Variants in ULK4 observed in about 807,000 individuals in gnomAD.
The protein encoded by ULK4 is inactive serine/threonine-protein kinase ULK4.
Under a neutral mutation model 160.6 loss-of-function variants are expected in ULK4, and 133 were observed. The observed-to-expected ratio is 0.83, with a 90% CI of 0.72 to 0.96. ULK4 has a LOEUF of 0.96. Ranked by LOEUF, ULK4 falls within the 40% of genes least tolerant of loss-of-function variation. The pLI is 0.00. For synonymous variants in ULK4, 534 were observed against 539.8 expected (o/e 0.99, Z 0.15); for missense variants, 1,580 against 1,499.5 (o/e 1.05, Z -0.89).
intron 30 of ULK4, 80 bp from the exon 31 acceptor site, chr3:41,615,797 GC>G: frequency 7.8e-7 from 1 of 1,283,542 alleles, no homozygotes; most frequent in Non-Finnish European, 1.1e-6. Context: ...AAGCACCTCA[GC>G]CCCCATGTTT....
intron 30 of ULK4, among the ~76,000 whole-genome samples, chr3:41,632,351 T>C (rs1266375163): frequency 6.6e-6 from 1 of 152,250 alleles, no homozygotes; most frequent in African/African-American, 2.4e-5. Context: ...TTAATGAACA[T>C]GCTTACTTCC....
At chr3:41,771,858 T>A (rs2039392665) in intron 21 of ULK4, among the ~76,000 whole-genome samples, 1 of 152,214 alleles carries the variant, frequency 6.6e-6, no homozygotes, top group African/African-American at 2.4e-5. Flanking sequence ...TTTTTTAAAA[T>A]CCATGTGACT....
intron 32 of ULK4, among the ~76,000 whole-genome samples, chr3:41,559,955 TA>T (rs2087501463): frequency 6.6e-6 from 1 of 152,252 alleles, no homozygotes; most frequent in Non-Finnish European, 1.5e-5. Context: ...GCCTATGTCC[TA>T]AATGGTATTG....
intron 35 of ULK4, among the ~76,000 whole-genome samples, chr3:41,312,007 T>C (rs1575422052): frequency 6.6e-6 from 1 of 151,332 alleles, no homozygotes; most frequent in East Asian, 1.9e-4. Context: ...GGGTTCTTAC[T>C]CTGTTGCCCA....
chr3:41,720,894 T>G (rs553903992), intron 22 of ULK4, among the ~76,000 whole-genome samples: 1 of 152,308 alleles, frequency 6.6e-6, no homozygotes, highest in African/African-American at 2.4e-5. Flanking sequence ...TAGATATACC[T>G]GTACACATAT....
intron 5 of ULK4, 149 bp downstream of exon 5, chr3:41,931,695 T>TC: frequency 5.2e-6 from 5 of 967,914 alleles, no homozygotes; most frequent in Non-Finnish European, 7.8e-6. Context: ...ACAAAGCCAT[T>TC]CCTATGCCCA....
At chr3:41,510,147 G>T (rs1391367748) in intron 32 of ULK4, among the ~76,000 whole-genome samples, 1 of 152,118 alleles carries the variant, frequency 6.6e-6, no homozygotes, top group Admixed American at 6.6e-5. Flanking sequence ...GATATTCCAT[G>T]CACATGGACA....
chr3:41,863,864 G>C (rs2042560029), intron 17 of ULK4, among the ~76,000 whole-genome samples: 1 of 151,700 alleles, frequency 6.6e-6, no homozygotes, highest in Non-Finnish European at 1.5e-5. Flanking sequence ...CTCTCAAGCA[G>C]AAGGAAGGGG....
At chr3:41,357,803 AC>A (rs2125769119) in intron 35 of ULK4, among the ~76,000 whole-genome samples, 1 of 152,286 alleles carries the variant, frequency 6.6e-6, no homozygotes, top group African/African-American at 2.4e-5. Context: ...ACTTAATTCA[AC>A]CTACTGTGGC....
chr3:41,425,400 C>T (rs2082755593), intron 34 of ULK4, among the ~76,000 whole-genome samples: 1 of 152,070 alleles, frequency 6.6e-6, no homozygotes, highest in Admixed American at 6.6e-5. Flanking sequence ...AGAGAACTTC[C>T]CCAACCTATC....
intron 34 of ULK4, among the ~76,000 whole-genome samples, chr3:41,445,173 G>C (rs2083268426): frequency 6.6e-6 from 1 of 152,174 alleles, no homozygotes; most frequent in Non-Finnish European, 1.5e-5. Flanking sequence ...CAAGGGATGT[G>C]AAGGACCTCT....
intron 32 of ULK4, among the ~76,000 whole-genome samples, chr3:41,522,092 A>T (rs1357176109): frequency 6.6e-6 from 1 of 151,648 alleles, no homozygotes; most frequent in East Asian, 1.9e-4. Flanking sequence ...ACATGTTTTA[A>T]ATCTAATATA....
chr3:41,706,894 T>TAG lies in ULK4; in HGVS notation c.2635-1590_2635-1589insCT, dbSNP rs1317838709. ...GTGTGTGTGTGTGTGTGTGTGTATA[T>TAG]ATATATAGAGAGAGAGAGAGAATAG... On this transcript the variant is annotated intron_variant, in intron 25 of 36. Coordinates refer to ENST00000301831, the MANE Select transcript of ULK4 (RefSeq NM_017886.4). Among the ~76,000 whole-genome samples the TAG allele has an allele frequency of 6.8e-4, 89 of 130,110 alleles. No individual in the cohort carries two copies. In the Middle Eastern group the frequency reaches 0.018, roughly 26 times the overall value. The allele number at this position is 130,110 out of a possible 152,430, so 85.4% of individuals were successfully genotyped here.
chr3:41,581,618 T>G (rs1207962579), intron 31 of ULK4, among the ~76,000 whole-genome samples: 10 of 152,204 alleles, frequency 6.6e-5, no homozygotes, highest in African/African-American at 9.7e-5. Flanking sequence ...ACAATCTATA[T>G]GAACAGCAGG....
chr3:41,677,526 T>C (rs2035765951), intron 29 of ULK4, among the ~76,000 whole-genome samples: 1 of 151,654 alleles, frequency 6.6e-6, no homozygotes, highest in African/African-American at 2.4e-5. Context: ...AGAGACCAGG[T>C]TTCACCATGT....
chr3:41,328,894 T>G (rs1429331550), intron 35 of ULK4, among the ~76,000 whole-genome samples: 2 of 152,208 alleles, frequency 1.3e-5, no homozygotes, highest in Admixed American at 1.3e-4. Flanking sequence ...CCTTATTCCT[T>G]TATTTGATTT....
chr3:41,937,080 C>G (rs1699797266), intron 3 of ULK4: 1 of 427,824 alleles, frequency 2.3e-6, no homozygotes, highest in Non-Finnish European at 4.2e-6. Context: ...ATACAACAGC[C>G]AAATTCAGTA....
At chr3:41,448,748 T>A (rs1255789489) in intron 34 of ULK4, among the ~76,000 whole-genome samples, 1 of 152,170 alleles carries the variant, frequency 6.6e-6, no homozygotes, top group Non-Finnish European at 1.5e-5. Context: ...GTGGCAGAAC[T>A]GCCAGGGCTT....
intron 32 of ULK4, among the ~76,000 whole-genome samples, chr3:41,548,229 A>C (rs1481225156): frequency 6.6e-6 from 1 of 152,076 alleles, no homozygotes; most frequent in African/African-American, 2.4e-5. Flanking sequence ...TCACCTCTCT[A>C]GGTGTCCACA....
Sources: gnomAD v4.1 joint callset for allele counts (sites outside exome capture counted in the v4.1 genomes callset) on GRCh38, gnomAD v4.1.1 for gene constraint, MANE v1.5 for transcripts, NCBI Gene and HGNC (gene_info 2026-07-23, HGNC 2026-07-21) for gene names.